Variants in LOC102723971 observed in about 807,000 individuals in gnomAD.
chr9:135,616,391 C>A, the LOC102723971 span, among the ~76,000 whole-genome samples: 1 of 152,208 alleles, frequency 6.6e-6, no homozygotes, highest in Non-Finnish European at 1.5e-5. Context: ...GCTGCATGAC[C>A]CTGGTGCCTG....
chr9:135,615,261 A>G, the LOC102723971 span: 4 of 394,464 alleles, frequency 1.0e-5, no homozygotes, highest in African/African-American at 8.5e-5. Flanking sequence ...GCCGGGCACT[A>G]GCCGGCCTCT....
chr9:135,616,620 C>T, the LOC102723971 span: 3 of 398,610 alleles, frequency 7.5e-6, no homozygotes, highest in African/African-American at 2.1e-5. Flanking sequence ...CAAACATCAC[C>T]GTCCATCCAA....
the LOC102723971 span, chr9:135,615,498 A>G: frequency 2.5e-6 from 1 of 398,788 alleles, no homozygotes; most frequent in Non-Finnish European, 4.4e-6. Context: ...CTGTTCTGGA[A>G]GTAAGCACGG....
At chr9:135,617,780 G>A in the LOC102723971 span, among the ~76,000 whole-genome samples, 1 of 152,178 alleles carries the variant, frequency 6.6e-6, no homozygotes, top group African/African-American at 2.4e-5. Context: ...CGCAGAGGGG[G>A]TGCTGCCGTG....
the LOC102723971 span, among the ~76,000 whole-genome samples, chr9:135,619,885 A>ACTTCTCCCCCTTCTCCCCCTTCTCCCCTG: frequency 6.2e-5 from 1 of 16,114 alleles, no homozygotes; most frequent in Admixed American, 7.3e-4. Context: ...CTTCTCCCCA[A>ACTTCTCCCCCTTCTCCCCCTTCTCCCCTG]TCTCCCCCGT....
the LOC102723971 span, chr9:135,616,782 G>C: frequency 2.5e-6 from 1 of 398,362 alleles, no homozygotes; most frequent in Non-Finnish European, 4.4e-6. Flanking sequence ...GGGGAAGACC[G>C]GGTGCTGGAA....
chr9:135,614,940 G>A, the LOC102723971 span, among the ~76,000 whole-genome samples: 1 of 152,168 alleles, frequency 6.6e-6, no homozygotes, highest in Non-Finnish European at 1.5e-5. Context: ...AGGGAAGTGG[G>A]GGCAGCAAGT....
At chr9:135,615,585 G>A in the LOC102723971 span, 2 of 398,144 alleles carry the variant, frequency 5.0e-6, no homozygotes, top group Admixed American at 8.8e-5. Flanking sequence ...CAGAGCCAGA[G>A]GAACACATCA....
chr9:135,615,102 G>A, the LOC102723971 span, among the ~76,000 whole-genome samples: 2 of 152,320 alleles, frequency 1.3e-5, no homozygotes, highest in East Asian at 3.9e-4. Flanking sequence ...CAGCCCCCTG[G>A]GAGGGGCACG....
the LOC102723971 span, among the ~76,000 whole-genome samples, chr9:135,616,247 C>T: frequency 6.6e-6 from 1 of 152,184 alleles, no homozygotes; most frequent in Non-Finnish European, 1.5e-5. Context: ...GTCCCCAAAA[C>T]CTGGAGCTCA....
At chr9:135,618,735 G>C in the LOC102723971 span, among the ~76,000 whole-genome samples, 1 of 151,896 alleles carries the variant, frequency 6.6e-6, no homozygotes, top group East Asian at 2.0e-4. Context: ...GTGGGGCCTT[G>C]TGGGCCCCCA....
chr9:135,618,292 G>A, the LOC102723971 span, among the ~76,000 whole-genome samples: 1 of 152,128 alleles, frequency 6.6e-6, no homozygotes, highest in Non-Finnish European at 1.5e-5. Flanking sequence ...AGGCCAAGTT[G>A]CACAGCCAGG....
the LOC102723971 span, chr9:135,615,330 G>A: frequency 5.0e-6 from 2 of 398,110 alleles, no homozygotes; most frequent in Non-Finnish European, 4.4e-6. Context: ...GGCGCTAGCT[G>A]GCCTCCTCTG....
the LOC102723971 span, chr9:135,614,247 T>C: frequency 2.5e-6 from 1 of 398,602 alleles, no homozygotes; most frequent in Admixed American, 4.4e-5. Context: ...GCCATGGCCC[T>C]GGAGAAAGGC....
the LOC102723971 span, among the ~76,000 whole-genome samples, chr9:135,615,978 G>T: frequency 6.6e-6 from 1 of 152,200 alleles, no homozygotes. Context: ...CCGTTATTCC[G>T]CCTGCACCCA....
the LOC102723971 span, chr9:135,614,493 G>A: frequency 2.5e-6 from 1 of 396,502 alleles, no homozygotes; most frequent in African/African-American, 2.1e-5. Flanking sequence ...TGGAGGGTGA[G>A]CTGCACCTGG....
the LOC102723971 span, chr9:135,617,012 G>T: frequency 5.0e-6 from 2 of 398,548 alleles, no homozygotes; most frequent in Non-Finnish European, 4.4e-6. Context: ...TGTGGGTGCT[G>T]CTGGGTAAGT....
chr9:135,618,730 G>C, the LOC102723971 span, among the ~76,000 whole-genome samples: 1 of 151,838 alleles, frequency 6.6e-6, no homozygotes, highest in African/African-American at 2.4e-5. Context: ...AGTGGGTGGG[G>C]CCTTGTGGGC....
chr9:135,617,610 C>G, the LOC102723971 span, among the ~76,000 whole-genome samples: 1 of 152,152 alleles, frequency 6.6e-6, no homozygotes, highest in Non-Finnish European at 1.5e-5. Flanking sequence ...GGGGTGGCAC[C>G]AGGCCGGAAC....
Sources: gnomAD v4.1 joint callset for allele counts (sites outside exome capture counted in the v4.1 genomes callset) on GRCh38, gnomAD v4.1.1 for gene constraint, MANE v1.5 for transcripts.